The following GLI3 variants were observed in gnomAD, a reference collection of about 807,000 sequenced individuals.
The protein encoded by GLI3 is transcription activator GLI3.
Under a neutral mutation model 100.8 loss-of-function variants are expected in GLI3, and 20 were observed. The observed-to-expected ratio is 0.20, with a 90% CI of 0.14 to 0.29. GLI3 has a LOEUF of 0.29. GLI3 is among the 10% of genes least tolerant of loss of function. The pLI is 1.00. For missense variants in GLI3, 2,040 were observed against 2,128.5 expected, an observed-to-expected ratio of 0.96 and a Z score of 0.82; for synonymous variants, 938 against 860.5, an observed-to-expected ratio of 1.09 and a Z score of -1.58.
chr7:42,028,544 A>T (rs529347008), intron 7 of GLI3, among the ~76,000 whole-genome samples: 3 of 152,142 alleles, frequency 2.0e-5, no homozygotes, highest in Non-Finnish European at 4.4e-5. Context: ...CGGGTGGGTC[A>T]CCTGAGGTCA....
At chr7:42,223,083 C>A in intron 2 of GLI3, 47 bp downstream of exon 2, 3 of 1,609,962 alleles carry the variant, frequency 1.9e-6, no homozygotes, top group Admixed American at 1.7e-5. Context: ...GCAGAGAACA[C>A]AGAAATGACT....
chr7:42,170,721 G>C (rs1787355810), intron 2 of GLI3, among the ~76,000 whole-genome samples: 2 of 152,120 alleles, frequency 1.3e-5, no homozygotes, highest in South Asian at 4.1e-4. Flanking sequence ...TTTTAAGAAA[G>C]TACCTGGTCT....
chr7:42,234,823 GA>G (rs1788758764), intron 1 of GLI3, among the ~76,000 whole-genome samples: 1 of 152,150 alleles, frequency 6.6e-6, no homozygotes, highest in Non-Finnish European at 1.5e-5. Flanking sequence ...CTTAGGCGGG[GA>G]GTTTCTAATT....
intron 10 of GLI3, among the ~76,000 whole-genome samples, chr7:42,002,401 C>G (rs1040204771): frequency 4.6e-5 from 7 of 152,062 alleles, no homozygotes; most frequent in African/African-American, 1.7e-4. Flanking sequence ...AATAACAGAG[C>G]ATCAAAACAT....
chr7:42,255,228 TA>T (rs1223563755), intron 1 of GLI3, among the ~76,000 whole-genome samples: 4 of 152,192 alleles, frequency 2.6e-5, no homozygotes, highest in Non-Finnish European at 5.9e-5. Flanking sequence ...GTATTTTCCT[TA>T]AAAATGATTT....
At chr7:41,997,970 C>T (rs1788173047) in intron 10 of GLI3, among the ~76,000 whole-genome samples, 1 of 152,102 alleles carries the variant, frequency 6.6e-6, no homozygotes, top group Non-Finnish European at 1.5e-5. Context: ...AGCTTCTGCT[C>T]TAGGGCAGAA....
chr7:42,147,362 A>T (rs1786738852), intron 3 of GLI3, among the ~76,000 whole-genome samples: 1 of 152,214 alleles, frequency 6.6e-6, no homozygotes, highest in Non-Finnish European at 1.5e-5. Flanking sequence ...GGAAACACAA[A>T]CCAGTCCCCC....
Position 42,048,580 on chromosome 7 carries a change from A to G in GLI3, c.590T>C (p.Ile197Thr). 1 of 1,612,340 alleles carries G rather than the reference A, an allele frequency of 6.2e-7. No homozygotes were observed. Among genetic ancestry groups the G allele is most frequent in the Non-Finnish European group, 8.5e-7 (1 of 1,179,254 alleles). The change falls in exon 5 of 15, where the codon ATT (isoleucine) becomes ACT (threonine). Residue 197 changes from isoleucine (I) to threonine (T), a missense_variant. Physicochemically the swap from Ile to Thr is moderately conservative, Grantham distance 89. Transcript: ENST00000395925. ...ESPFSPPHPY[I>T]NPYMDYIRSL... ...GCGGATATAGTCCATGTAGGGATTA[A>G]TGTAGGGATGTGGAGGGCTGAAGGG...
chr7:42,180,815 C>T (rs1236840610), intron 2 of GLI3, among the ~76,000 whole-genome samples: 1 of 152,214 alleles, frequency 6.6e-6, no homozygotes, highest in African/African-American at 2.4e-5. Flanking sequence ...TGTGTAATTA[C>T]CCTTTCTATT....
At chr7:42,131,177 A>G (rs531575284) in intron 3 of GLI3, among the ~76,000 whole-genome samples, 3 of 152,212 alleles carry the variant, frequency 2.0e-5, no homozygotes, top group Non-Finnish European at 4.4e-5. Flanking sequence ...AAGACCTAGG[A>G]AACAGTGGTT....
chr7:42,031,847 T>C (rs1276106121), intron 7 of GLI3, among the ~76,000 whole-genome samples: 1 of 152,190 alleles, frequency 6.6e-6, no homozygotes, highest in Non-Finnish European at 1.5e-5. Context: ...TAACAAACCG[T>C]TGTCTGACTG....
chr7:41,981,780 A>C (rs1471548707), intron 10 of GLI3, among the ~76,000 whole-genome samples: 1 of 152,238 alleles, frequency 6.6e-6, no homozygotes, highest in Non-Finnish European at 1.5e-5. Flanking sequence ...GAATCTGCCT[A>C]CAATGGTGTT....
Position 42,076,854 on chromosome 7 carries a change from G to A in GLI3, c.371C>T (p.Pro124Leu). 1.2e-6 allele frequency: 2 copies of A among 1,602,834 alleles called. No homozygotes were observed. Among genetic ancestry groups the A allele is most frequent in the Non-Finnish European group, 1.7e-6 (2 of 1,169,748 alleles). The change falls in exon 4 of 15, where the codon CCT becomes CTT. Residue 124 changes from proline to leucine, a missense_variant. Transcript: ENST00000395925. ...ATGGAAGGCAGGGAAAAGATGAGGA[G>A]GGTCTGAAAAGAAGAGAGAGCCCAA... ...RNGYMEPHYH[P>L]PHLFPAFHPP...
chr7:42,148,116 CCAAAACTTCATAAA>C, intron 3 of GLI3, 96 bp downstream of exon 3: 1 of 1,166,358 alleles, frequency 8.6e-7, no homozygotes, highest in African/African-American at 1.6e-5. Context: ...ATTATACAAG[CCAAAACTTCATAAA>C]GCGCGCACAC....
chr7:42,051,094 C>T (rs1784343474), intron 4 of GLI3, among the ~76,000 whole-genome samples: 1 of 152,198 alleles, frequency 6.6e-6, no homozygotes, highest in Non-Finnish European at 1.5e-5. Context: ...ACGAGTGAGG[C>T]TCCAAGACCT....
chr7:42,156,346 T>C (rs1392781980), intron 2 of GLI3, among the ~76,000 whole-genome samples: 1 of 152,186 alleles, frequency 6.6e-6, no homozygotes, highest in African/African-American at 2.4e-5. Flanking sequence ...AGTTAATTAG[T>C]GGCATCAAAG....
chr7:42,128,724 A>T (rs1212466586), intron 3 of GLI3, among the ~76,000 whole-genome samples: 1 of 152,188 alleles, frequency 6.6e-6, no homozygotes, highest in Non-Finnish European at 1.5e-5. Flanking sequence ...TTGGTATGTC[A>T]GTATTTTTTT....
chr7:42,175,822 T>C (rs1206549961), intron 2 of GLI3, among the ~76,000 whole-genome samples: 1 of 152,184 alleles, frequency 6.6e-6, no homozygotes, highest in African/African-American at 2.4e-5. Context: ...AAACCCTTTA[T>C]CTCTTTGATT....
Position 42,118,700 on chromosome 7 carries a change from C to T in GLI3, c.367+29526G>A, listed in dbSNP as rs543140578. ...TGACACCTTGACACTACACCACTTC[C>T]GCTGCAGCCAGGGGGCCCAGTGGCC... On this transcript the variant is annotated intron_variant, in intron 3 of 14. Coordinates refer to ENST00000395925, the MANE Select transcript of GLI3 (RefSeq NM_000168.6). Among the ~76,000 whole-genome samples the T allele has an allele frequency of 4.5e-4, 68 of 152,268 alleles. No individual in the cohort carries two copies. In the South Asian group the frequency reaches 8.5e-3, roughly 19 times the overall value.
Sources: gnomAD v4.1 joint callset for allele counts (sites outside exome capture counted in the v4.1 genomes callset) on GRCh38, gnomAD v4.1.1 for gene constraint, MANE v1.5 for transcripts, NCBI Gene and HGNC (gene_info 2026-07-23, HGNC 2026-07-21) for gene names.